The following PPP4R3A variants were observed in gnomAD, a reference collection of about 807,000 sequenced individuals.
PPP4R3A encodes the protein protein phosphatase 4 regulatory subunit 3A.
In PPP4R3A, 15 loss-of-function variants were observed where a neutral mutation model predicts 91.7. The observed-to-expected ratio is 0.16, with a 90% CI of 0.11 to 0.25. The LOEUF (loss-of-function observed/expected upper bound fraction) is 0.25. Among genes scored for constraint, PPP4R3A ranks in the 10% least tolerant of loss-of-function variants. The pLI is 1.00. For missense variants in PPP4R3A, 623 were observed against 998.4 expected, an observed-to-expected ratio of 0.62 and a Z score of 5.07; for synonymous variants, 377 against 348.7, an observed-to-expected ratio of 1.08 and a Z score of -0.91.
At chr14:91,505,393 T>C (rs1219714637) in intron 1 of PPP4R3A, among the ~76,000 whole-genome samples, 1 of 150,086 alleles carries the variant, frequency 6.7e-6, no homozygotes, top group Non-Finnish European at 1.5e-5. Context: ...GAGGTTGCAG[T>C]GAGCCAAGAT....
In PPP4R3A at chr14:91,485,704, T is replaced by G. The variant is rs1243733324; in HGVS notation, c.225A>C (p.Ala75=). 1.2e-6 allele frequency: 2 copies of G among 1,606,814 alleles called. No homozygotes were observed. The highest frequency in any genetic ancestry group is 1.7e-6 in the Non-Finnish European group (2 of 1,179,822). Residue 75 remains alanine (A), a synonymous_variant, in exon 3 of 15, where the codon GCA becomes GCC. Coordinates refer to ENST00000554943, the MANE Select transcript of PPP4R3A (RefSeq NM_001366432.2). Reference sequence around the variant, plus strand: ...AGCTAAGGGCCAAGTCATAATTTTCTGCTTCAGACCACACAATCAGAGTGT... The same window carrying G: ...AGCTAAGGGCCAAGTCATAATTTTCGGCTTCAGACCACACAATCAGAGTGT... ...QQDTLIVWSE[A]ENYDLALSFQ...
At chr14:91,509,275 C>T (rs1891618523) in intron 1 of PPP4R3A, among the ~76,000 whole-genome samples, 1 of 152,218 alleles carries the variant, frequency 6.6e-6, no homozygotes, top group African/African-American at 2.4e-5. Flanking sequence ...ACGCTTGGCT[C>T]TCCTCGTACC....
intron 1 of PPP4R3A, among the ~76,000 whole-genome samples, chr14:91,491,703 C>A (rs1022568598): frequency 1.3e-5 from 2 of 152,160 alleles, no homozygotes; most frequent in African/African-American, 4.8e-5. Flanking sequence ...CCACGCCTGG[C>A]CTAGAAAAAT....
chr14:91,476,811 C>G (rs1453478620), intron 5 of PPP4R3A, 98 bp downstream of exon 5: 17 of 987,990 alleles, frequency 1.7e-5, no homozygotes, highest in Non-Finnish European at 2.4e-5. Context: ...GTGATCCACC[C>G]ACCTCGGCCT....
chr14:91,507,987 A>C (rs1374801832), intron 1 of PPP4R3A, among the ~76,000 whole-genome samples: 2 of 152,138 alleles, frequency 1.3e-5, no homozygotes, highest in African/African-American at 4.8e-5. Flanking sequence ...TTAAAAAGAA[A>C]TCTACGGATA....
intron 10 of PPP4R3A, among the ~76,000 whole-genome samples, chr14:91,469,673 A>C (rs1275593983): frequency 1.3e-5 from 2 of 152,160 alleles, no homozygotes; most frequent in Non-Finnish European, 2.9e-5. Context: ...GGTTCAAGCG[A>C]TCCTTCTGCC....
intron 3 of PPP4R3A, 57 bp downstream of exon 3, chr14:91,485,575 T>C (rs988082448): frequency 9.7e-6 from 12 of 1,232,122 alleles, no homozygotes; most frequent in Non-Finnish European, 4.6e-6. Flanking sequence ...GTTGAAAGCA[T>C]GGCAAAAAAC....
chr14:91,476,706 C>T (rs994225794), intron 5 of PPP4R3A, among the ~76,000 whole-genome samples, 182 bp from the exon 6 acceptor site: 8 of 152,180 alleles, frequency 5.3e-5, no homozygotes, highest in Non-Finnish European at 1.2e-4. Flanking sequence ...GCTAGGATTA[C>T]AGGTGCCCGC....
intron 14 of PPP4R3A, 120 bp downstream of exon 14, chr14:91,461,261 T>C: frequency 1.1e-6 from 1 of 879,240 alleles, no homozygotes; most frequent in Non-Finnish European, 1.8e-6. Context: ...ACTCATCCTC[T>C]AGTTCAGGGA....
intron 8 of PPP4R3A, 52 bp from the exon 9 acceptor site, chr14:91,473,187 G>A: frequency 1.2e-6 from 2 of 1,613,064 alleles, no homozygotes; most frequent in Non-Finnish European, 1.7e-6. Flanking sequence ...GTTCCTACCA[G>A]CAATACACAA....
chr14:91,473,337 T>G lies in PPP4R3A; in HGVS notation c.1300A>C (p.Met434Leu). 23 of 1,613,992 alleles carry G rather than the reference T, an allele frequency of 1.4e-5. No homozygotes were observed. The highest frequency in any genetic ancestry group is 1.9e-5 in the Non-Finnish European group (23 of 1,180,000). Residue 434 changes from methionine (M) to leucine (L), a missense_variant, in exon 8 of 15, where the codon ATG (methionine) becomes CTG (leucine). Met to Leu is a conservative substitution (Grantham distance 15). This residue lies in a region of PPP4R3A where 264 missense variants were observed against 377.3 expected (regional missense o/e 0.70). Coordinates refer to ENST00000554943, the MANE Select transcript of PPP4R3A (RefSeq NM_001366432.2). Reference sequence around the variant, plus strand: ...AGTTCAGGATCTGTATCACAAATCATATGTTCTATAATGAGGTTGATGAGC... The same window carrying G: ...AGTTCAGGATCTGTATCACAAATCAGATGTTCTATAATGAGGTTGATGAGC... Reference protein sequence around the residue: ...ILLINLIIEHMICDTDPELGG... With the variant: ...ILLINLIIEHLICDTDPELGG...
chr14:91,478,130 T>C (rs1035219901), intron 4 of PPP4R3A, among the ~76,000 whole-genome samples: 2 of 152,248 alleles, frequency 1.3e-5, no homozygotes, highest in Admixed American at 1.3e-4. Context: ...GTTAGTTTGG[T>C]TATTCTCACC....
At chr14:91,475,513 T>A (rs768155470) in intron 7 of PPP4R3A, 3 of 252,530 alleles carry the variant, frequency 1.2e-5, no homozygotes, top group Admixed American at 5.2e-5. Flanking sequence ...GATACAAGAA[T>A]TGATTGACTA....
rs114503340 is a variant in PPP4R3A, at chr14:91,480,097, G to A, written c.915+1479C>T. Among the ~76,000 whole-genome samples the A allele has an allele frequency of 5.6e-3, 850 of 152,190 alleles. 5 individuals carry two copies. Among genetic ancestry groups the A allele is most frequent in the African/African-American group, 0.019 (807 of 41,510 alleles). ...GAATTCATGATACTGCACCCTAGGGGACTGTGATGCAAATACCCTAAAACA... is the reference window on the plus strand; with the variant it reads ...GAATTCATGATACTGCACCCTAGGGAACTGTGATGCAAATACCCTAAAACA... On this transcript the variant is annotated intron_variant, in intron 4 of 14. Transcript: ENST00000554943.
rs893631395 is a variant in PPP4R3A, at chr14:91,510,202, C to T, written c.-555G>A. Reference sequence around the variant, plus strand: ...GGAGACTCTGAGGGCCCCCGGCCGCCCAAGCGACCCGGACTAGTGGAAGTC... The same window carrying T: ...GGAGACTCTGAGGGCCCCCGGCCGCTCAAGCGACCCGGACTAGTGGAAGTC... On this transcript the variant is annotated 5_prime_UTR_variant, in exon 1 of 15. Coordinates refer to ENST00000554943, the MANE Select transcript of PPP4R3A (RefSeq NM_001366432.2). 2.0e-5 allele frequency: 3 copies of T among 153,196 alleles called. No individual in the cohort carries two copies. The highest frequency in any genetic ancestry group is 7.2e-5 in the African/African-American group (3 of 41,470). The allele number at this position is 153,196 out of a possible 1,614,324, so 9.5% of individuals were successfully genotyped here.
rs565380799 is a variant in PPP4R3A at position 91,494,661 on chromosome 14, G to A, written c.143-3859C>T. Among the ~76,000 whole-genome samples, 16 of 152,218 alleles carry A rather than the reference G, an allele frequency of 1.1e-4. No individual in the cohort carries two copies. In the South Asian group the frequency reaches 2.7e-3, roughly 26 times the overall value. ...GTGGATCACTTGAGGTCAGGAGTTC[G>A]AGACCAGCCTGGCCAAAATGGTGAA... On this transcript the variant is annotated intron_variant, in intron 1 of 14. Coordinates refer to ENST00000554943, the MANE Select transcript of PPP4R3A (RefSeq NM_001366432.2).
At chr14:91,507,394 T>TATACTATATA (rs1566660222) in intron 1 of PPP4R3A, among the ~76,000 whole-genome samples, 5 of 59,660 alleles carry the variant, frequency 8.4e-5, no homozygotes, top group East Asian at 8.6e-4. Flanking sequence ...ATATAGTATA[T>TATACTATATA]GTACTATAAT....
Position 91,462,722 on chromosome 14 carries a change from T to C in PPP4R3A, c.1973+13A>G. ...GATGCTGAACGAATAGGTTTAAATA[T>C]ATGGTAATTTACCTGTCAAGTTTGG... On this transcript the variant is annotated intron_variant, in intron 12 of 14. Coordinates refer to ENST00000554943, the MANE Select transcript of PPP4R3A (RefSeq NM_001366432.2). 1.2e-6 allele frequency: 2 copies of C among 1,613,438 alleles called. No individual in the cohort carries two copies. The highest frequency in any genetic ancestry group is 2.2e-5 in the East Asian group (1 of 44,754).
At chr14:91,495,251 CAT>C (rs538017198) in intron 1 of PPP4R3A, among the ~76,000 whole-genome samples, 3 of 149,908 alleles carry the variant, frequency 2.0e-5, no homozygotes, top group Non-Finnish European at 4.4e-5. Flanking sequence ...ACCTTGAAAA[CAT>C]ATGAAATTAA....
Sources: gnomAD v4.1 joint callset for allele counts (sites outside exome capture counted in the v4.1 genomes callset) on GRCh38, gnomAD v4.1.1 for gene constraint, gnomAD v4.1.1 regional missense constraint, MANE v1.5 for transcripts, NCBI Gene and HGNC (gene_info 2026-07-23, HGNC 2026-07-21) for gene names.